The following TBC1D32 variants were observed in gnomAD, a reference collection of about 807,000 sequenced individuals.
The protein encoded by TBC1D32 is TBC1 domain family member 32.
Under a neutral mutation model 170.3 loss-of-function variants are expected in TBC1D32, and 151 were observed. The observed-to-expected ratio is 0.89, with a 90% CI of 0.78 to 1.01. The LOEUF is 1.01. Ranked by LOEUF, TBC1D32 falls within the 50% of genes least tolerant of loss-of-function variation. TBC1D32 has a pLI of 0.00. For synonymous variants in TBC1D32, 498 were observed against 488.0 expected, an observed-to-expected ratio of 1.02 and a Z score of -0.27; for missense variants, 1,464 against 1,457.1, an observed-to-expected ratio of 1.00 and a Z score of -0.08.
intron 31 of TBC1D32, among the ~76,000 whole-genome samples, chr6:121,087,659 G>T (rs1050715200): frequency 6.6e-6 from 1 of 151,994 alleles, no homozygotes; most frequent in Non-Finnish European, 1.5e-5. Context: ...TGTTAGGCCC[G>T]ATTATTTGAA....
chr6:121,273,099 G>C (rs1167792164), intron 15 of TBC1D32, among the ~76,000 whole-genome samples: 5 of 151,638 alleles, frequency 3.3e-5, no homozygotes, highest in Non-Finnish European at 7.4e-5. Flanking sequence ...TCACACACCA[G>C]GGCTTGTTGT....
intron 30 of TBC1D32, among the ~76,000 whole-genome samples, chr6:121,094,896 C>T (rs544196774): frequency 2.6e-5 from 4 of 152,054 alleles, no homozygotes; most frequent in South Asian, 2.1e-4. Context: ...GTGTATTCCT[C>T]GGTTAGAGCT....
At chr6:121,291,781 G>A (rs1364280289) in intron 12 of TBC1D32, among the ~76,000 whole-genome samples, 1 of 151,934 alleles carries the variant, frequency 6.6e-6, no homozygotes, top group African/African-American at 2.4e-5. Context: ...ATAATGGAAT[G>A]AGAACTTAAA....
At chr6:121,096,724 A>T (rs1198844654) in intron 30 of TBC1D32, among the ~76,000 whole-genome samples, 1 of 152,194 alleles carries the variant, frequency 6.6e-6, no homozygotes, top group Non-Finnish European at 1.5e-5. Flanking sequence ...ACCAAAAAAG[A>T]TCCCACATTG....
intron 5 of TBC1D32, among the ~76,000 whole-genome samples, chr6:121,305,415 G>T (rs1385940800): frequency 6.6e-6 from 1 of 151,916 alleles, no homozygotes; most frequent in Non-Finnish European, 1.5e-5. Flanking sequence ...CTTTAAAATG[G>T]TAGCTATTAT....
intron 24 of TBC1D32, among the ~76,000 whole-genome samples, chr6:121,142,620 C>T (rs1455437260): frequency 6.6e-6 from 1 of 152,122 alleles, no homozygotes; most frequent in Non-Finnish European, 1.5e-5. Context: ...ATCTCATCTT[C>T]TTGAGATGTG....
chr6:121,195,929 T>C (rs777982443), intron 22 of TBC1D32, among the ~76,000 whole-genome samples: 2 of 152,212 alleles, frequency 1.3e-5, no homozygotes, highest in Non-Finnish European at 2.9e-5. Flanking sequence ...TGTGTAATTA[T>C]ACACTGATTC....
At position 121,293,564 on chromosome 6, in the gene TBC1D32, G is replaced by T. The variant is rs9387941; in HGVS notation, c.1231+1006C>A. On this transcript the variant is annotated intron_variant, in intron 11 of 31. Transcript: ENST00000398212. ...ATCAGGTTCACATGGCCAATTGTGT[G>T]ATATAAGCAAGAGCAAGAAAAATTC... Among the ~76,000 whole-genome samples, 196 of 152,230 alleles carry T rather than the reference G, an allele frequency of 1.3e-3. 5 individuals are homozygous for T. The East Asian group carries it at 0.035, about 27-fold the overall frequency.
chr6:121,280,383 A>G (rs1299412962), intron 14 of TBC1D32, among the ~76,000 whole-genome samples: 2 of 151,824 alleles, frequency 1.3e-5, no homozygotes, highest in Non-Finnish European at 2.9e-5. Flanking sequence ...AGAGCTAATG[A>G]TATAGTAGAG....
intron 5 of TBC1D32, among the ~76,000 whole-genome samples, chr6:121,307,714 G>T (rs1807541938): frequency 6.6e-6 from 1 of 152,020 alleles, no homozygotes; most frequent in African/African-American, 2.4e-5. Context: ...ACAAAAATTA[G>T]CCAGGCTTGG....
chr6:121,080,927 G>A (rs753173910), intron 31 of TBC1D32, 37 bp from the exon 32 acceptor site: 2 of 1,598,076 alleles, frequency 1.3e-6, no homozygotes, highest in Non-Finnish European at 1.7e-6. Flanking sequence ...ATTTACTTGA[G>A]TAAGACACAC....
chr6:121,084,370 C>G (rs976237478), intron 31 of TBC1D32, among the ~76,000 whole-genome samples: 4 of 152,044 alleles, frequency 2.6e-5, no homozygotes, highest in African/African-American at 9.7e-5. Flanking sequence ...AATAAGCACT[C>G]AAGATATTCA....
chr6:121,320,945 C>T (rs936188083), intron 2 of TBC1D32, among the ~76,000 whole-genome samples: 6 of 152,054 alleles, frequency 3.9e-5, no homozygotes, highest in African/African-American at 4.8e-5. Context: ...AAAAAATTGA[C>T]AATGGCATCC....
chr6:121,255,530 T>TAATTATATTTTATAATTA (rs1280529108), intron 16 of TBC1D32, 120 bp from the exon 17 acceptor site: 99 of 241,862 alleles, frequency 4.1e-4, no homozygotes, highest in East Asian at 1.1e-3. Context: ...TTTATATTTC[T>TAATTATATTTTATAATTA]TACTGATAGC....
rs1809111943 is a variant in TBC1D32, at chr6:121,317,602, C to T, written c.388G>A (p.Glu130Lys). The change falls in exon 3 of 32, where the codon GAA becomes AAA. Residue 130 changes from glutamate to lysine, a missense_variant. Physicochemically the swap from Glu to Lys is moderately conservative, Grantham distance 56. Around this residue, in one of 3 missense-constraint regions of TBC1D32, gnomAD observed 1,363 missense variants for 1,338.1 expected, o/e 1.02. Coordinates refer to ENST00000398212, the MANE Select transcript of TBC1D32 (RefSeq NM_152730.6). ...AVVESMINKF[E>K]EDETRNQERQ... ...TCTTGATTTCGTGTCTCATCTTCTT[C>T]AAACTTGTTAATCATAGACTCGACC... The T allele has an allele frequency of 1.9e-6, 3 of 1,612,570 alleles. No homozygotes were observed. The highest frequency in any genetic ancestry group is 2.5e-6 in the Non-Finnish European group (3 of 1,179,226).
At chr6:121,205,562 T>C (rs1792140783) in intron 21 of TBC1D32, among the ~76,000 whole-genome samples, 1 of 152,122 alleles carries the variant, frequency 6.6e-6, no homozygotes, top group Non-Finnish European at 1.5e-5. Context: ...ATCCACAAAT[T>C]AGAAGAATGA....
chr6:121,094,627 T>A (rs1030456838), intron 30 of TBC1D32, among the ~76,000 whole-genome samples: 1 of 152,186 alleles, frequency 6.6e-6, no homozygotes, highest in Admixed American at 6.6e-5. Flanking sequence ...GAATAGTACA[T>A]GAACTAGACA....
Position 121,333,265 on chromosome 6 carries a change from T to C in TBC1D32, c.155+1011A>G, listed in dbSNP as rs147404564. Among the ~76,000 whole-genome samples, 63 of 152,142 alleles carry C rather than the reference T, an allele frequency of 4.1e-4. No individual in the cohort carries two copies. The Middle Eastern group carries it at 0.014, about 33-fold the overall frequency. On this transcript the variant is annotated intron_variant, in intron 1 of 31. Coordinates refer to ENST00000398212, the MANE Select transcript of TBC1D32 (RefSeq NM_152730.6). Reference sequence around the variant, plus strand: ...AATAATGAATGGAAGCACCTGGAGGTAGACTTGTAAATTCAGAGGCTTAAC... The same window carrying C: ...AATAATGAATGGAAGCACCTGGAGGCAGACTTGTAAATTCAGAGGCTTAAC...
Position 121,106,140 on chromosome 6 carries a change from T to C in TBC1D32, c.3348A>G (p.Val1116=), listed in dbSNP as rs1306372431. Residue 1116 remains valine, a synonymous_variant, in exon 30 of 32, where the codon GTA becomes GTG. Transcript: ENST00000398212. Reference sequence around the variant, plus strand: ...AATATACTGGATGGATGCCAGATTCTACAGTGTCATTAGGAAGGTAACTCT... The same window carrying C: ...AATATACTGGATGGATGCCAGATTCCACAGTGTCATTAGGAAGGTAACTCT... ...HISSYLPNDT[V]ESGIHPVYFC... The C allele has an allele frequency of 1.3e-6, 2 of 1,567,702 alleles. No individual in the cohort carries two copies. The highest frequency in any genetic ancestry group is 1.7e-6 in the Non-Finnish European group (2 of 1,151,158).
Sources: allele counts gnomAD v4.1 joint callset (sites outside exome capture counted in the v4.1 genomes callset), GRCh38; gene constraint gnomAD v4.1.1; regional missense constraint gnomAD v4.1.1; transcripts MANE v1.5; gene names NCBI Gene and HGNC (gene_info 2026-07-23, HGNC 2026-07-21).